FHIT: variants seen among roughly 807,000 people sequenced by gnomAD.
FHIT encodes fragile histidine triad diadenosine triphosphatase.
A neutral mutation model predicts 17.9 loss-of-function variants in FHIT; 19 were observed. The ratio of observed to expected loss-of-function variants is 1.06; its 90% CI spans 0.74 to 1.56. FHIT has a LOEUF of 1.56. Among genes scored for constraint, FHIT ranks in the 40% most tolerant of loss-of-function variants. The probability of loss-of-function intolerance (pLI) is 0.00; values close to 1 mark genes in which losing one functional copy is unlikely to be tolerated. For missense variants in FHIT, 248 were observed against 189.2 expected, an observed-to-expected ratio of 1.31 and a Z score of -1.82; for synonymous variants, 81 against 69.7, an observed-to-expected ratio of 1.16 and a Z score of -0.81.
intron 4 of FHIT, among the ~76,000 whole-genome samples, chr3:60,624,051 G>C (rs1483036258): frequency 1.3e-5 from 2 of 152,164 alleles, no homozygotes; most frequent in Non-Finnish European, 2.9e-5. Context: ...CAGAAAAACT[G>C]ACTCAGAGCA....
intron 5 of FHIT, among the ~76,000 whole-genome samples, chr3:60,120,789 G>C (rs1344803277): frequency 6.6e-6 from 1 of 152,038 alleles, no homozygotes; most frequent in Non-Finnish European, 1.5e-5. Context: ...GGGACTATCA[G>C]TTACTTAAAT....
intron 4 of FHIT, among the ~76,000 whole-genome samples, chr3:60,594,996 T>A (rs1397256847): frequency 6.6e-6 from 1 of 152,042 alleles, no homozygotes; most frequent in Non-Finnish European, 1.5e-5. Flanking sequence ...ACCTGTTGTA[T>A]CCCTTGCTGT....
chr3:60,432,383 C>G (rs1464371093), intron 5 of FHIT, among the ~76,000 whole-genome samples: 2 of 152,018 alleles, frequency 1.3e-5, no homozygotes, highest in Admixed American at 1.3e-4. Context: ...TAGATAGCTA[C>G]TACAATTATT....
intron 4 of FHIT, among the ~76,000 whole-genome samples, chr3:60,549,182 A>C (rs1291701774): frequency 6.6e-6 from 1 of 152,208 alleles, no homozygotes; most frequent in Non-Finnish European, 1.5e-5. Flanking sequence ...TATAATGCTT[A>C]TCACAAAAAT....
intron 2 of FHIT, among the ~76,000 whole-genome samples, chr3:61,057,937 C>T (rs1307067471): frequency 6.6e-6 from 1 of 152,154 alleles, no homozygotes; most frequent in Non-Finnish European, 1.5e-5. Context: ...ACAGAACCCT[C>T]CAAAACTTCT....
chr3:60,186,198 C>T (rs779011338), intron 5 of FHIT, among the ~76,000 whole-genome samples: 7 of 151,826 alleles, frequency 4.6e-5, no homozygotes, highest in Non-Finnish European at 1.0e-4. Context: ...GGTGTATATA[C>T]CTACTAACAC....
At chr3:60,541,581 G>C (rs542634091) in intron 4 of FHIT, among the ~76,000 whole-genome samples, 106 of 152,168 alleles carry the variant, frequency 7.0e-4, no homozygotes, top group Non-Finnish European at 1.4e-3. Context: ...GTGGACACAG[G>C]ACACAAAATG....
At chr3:60,659,944 C>T (rs2040201579) in intron 4 of FHIT, among the ~76,000 whole-genome samples, 1 of 152,062 alleles carries the variant, frequency 6.6e-6, no homozygotes, top group Admixed American at 6.5e-5. Flanking sequence ...CTTTTTCATT[C>T]TGAATTGTTG....
intron 4 of FHIT, among the ~76,000 whole-genome samples, chr3:60,784,832 T>C (rs1411175857): frequency 2.6e-5 from 4 of 152,178 alleles, no homozygotes. Context: ...AGTGCCCTTA[T>C]AAGGGGCTGA....
At chr3:60,991,895 CT>C (rs1267645341) in intron 3 of FHIT, among the ~76,000 whole-genome samples, 1 of 152,102 alleles carries the variant, frequency 6.6e-6, no homozygotes, top group East Asian at 1.9e-4. Context: ...AGAATACAGA[CT>C]TATGGGAGAC....
At position 60,123,967 on chromosome 3, in the gene FHIT, A is replaced by ATATATATATAT. The variant is rs1705378774; in HGVS notation, c.104-109816_104-109815insATATATATATA. Among the ~76,000 whole-genome samples, 40 of 27,794 alleles carry ATATATATATAT rather than the reference A, an allele frequency of 1.4e-3. 1 individual carries two copies. The highest frequency in any genetic ancestry group is 2.7e-3 in the South Asian group (2 of 742). The allele number at this position is 27,794 out of a possible 152,430, so 18.2% of individuals were successfully genotyped here. A position where few individuals can be genotyped will look rare whatever the true frequency, so the allele number is the denominator to read the frequency against. ...CTTCCATTAACAGAAATGCACTAAAAATATATATATATATATATATATATA... is the reference window on the plus strand; with the variant it reads ...CTTCCATTAACAGAAATGCACTAAAATATATATATATATATATATATATATATATATATATA... On this transcript the variant is annotated intron_variant, in intron 5 of 9. Coordinates refer to ENST00000492590, the MANE Select transcript of FHIT (RefSeq NM_002012.4).
At chr3:60,231,970 G>A (rs1400208532) in intron 5 of FHIT, among the ~76,000 whole-genome samples, 1 of 152,094 alleles carries the variant, frequency 6.6e-6, no homozygotes, top group Non-Finnish European at 1.5e-5. Context: ...GGAGGGAAGG[G>A]GGCATTTTTC....
chr3:61,004,330 A>C (rs897554134), intron 3 of FHIT, among the ~76,000 whole-genome samples: 4 of 152,180 alleles, frequency 2.6e-5, no homozygotes, highest in Non-Finnish European at 4.4e-5. Flanking sequence ...GTACATATGC[A>C]GTTTCAAAAA....
intron 3 of FHIT, among the ~76,000 whole-genome samples, chr3:60,884,159 T>C (rs1457386634): frequency 6.6e-6 from 1 of 152,018 alleles, no homozygotes; most frequent in Admixed American, 6.6e-5. Flanking sequence ...ACAACCACAG[T>C]GAGATACCAT....
intron 5 of FHIT, among the ~76,000 whole-genome samples, chr3:60,118,888 G>A (rs559939946): frequency 7.8e-4 from 118 of 150,816 alleles, no homozygotes; most frequent in Middle Eastern, 3.4e-3. Context: ...GGGCGTGGTG[G>A]CGGGCACCTG....
At chr3:60,551,495 G>A (rs1476593633) in intron 4 of FHIT, among the ~76,000 whole-genome samples, 1 of 2,976 alleles carries the variant, frequency 3.4e-4, no homozygotes, top group African/African-American at 2.0e-3. Flanking sequence ...GGGGAGAGGG[G>A]AGGGGAGACG....
At chr3:60,972,594 G>T (rs1372337667) in intron 3 of FHIT, among the ~76,000 whole-genome samples, 2 of 150,850 alleles carry the variant, frequency 1.3e-5, no homozygotes, top group African/African-American at 2.4e-5. Context: ...TGAATCCATG[G>T]CTTGATGTTA....
intron 4 of FHIT, among the ~76,000 whole-genome samples, chr3:60,746,572 G>T (rs1002155444): frequency 6.6e-6 from 1 of 152,164 alleles, no homozygotes; most frequent in African/African-American, 2.4e-5. Flanking sequence ...CTGGACTTTT[G>T]TGGAAATGGA....
At chr3:60,525,948 C>T (rs1385938493) in intron 5 of FHIT, among the ~76,000 whole-genome samples, 1 of 151,930 alleles carries the variant, frequency 6.6e-6, no homozygotes, top group African/African-American at 2.4e-5. Flanking sequence ...ACAAAAAATG[C>T]AAAAATTAGC....
Sources: allele counts gnomAD v4.1 joint callset (sites outside exome capture counted in the v4.1 genomes callset), GRCh38; gene constraint gnomAD v4.1.1; transcripts MANE v1.5; gene names NCBI Gene and HGNC (gene_info 2026-07-23, HGNC 2026-07-21).